DLG2: variants seen among roughly 807,000 people sequenced by gnomAD.
The protein encoded by DLG2 is disks large homolog 2.
In DLG2, 45 loss-of-function variants were observed where a neutral mutation model predicts 132.5. That is an observed-to-expected ratio of 0.34 (90% CI 0.27 to 0.44). DLG2 has a LOEUF of 0.44. DLG2 is among the 20% of genes least tolerant of loss of function. The pLI, the probability that DLG2 is intolerant of heterozygous loss-of-function variation, is 1.00. For synonymous variants in DLG2, 424 were observed against 419.6 expected (o/e 1.01, Z -0.13); for missense variants, 1,045 against 1,196.9 (o/e 0.87, Z 1.87).
chr11:85,610,220 A>C (rs2080892455), intron 2 of DLG2, among the ~76,000 whole-genome samples: 1 of 152,240 alleles, frequency 6.6e-6, no homozygotes, highest in Non-Finnish European at 1.5e-5. Flanking sequence ...AACATTTAAA[A>C]GCTCAAGGCT....
intron 25 of DLG2, among the ~76,000 whole-genome samples, chr11:83,467,704 C>A (rs57985093): frequency 6.9e-6 from 1 of 145,690 alleles, no homozygotes; most frequent in Non-Finnish European, 1.5e-5. Context: ...GAGCTGAGAC[C>A]GTGCCATGGC....
At chr11:83,560,197 A>G (rs2096588011) in intron 19 of DLG2, among the ~76,000 whole-genome samples, 1 of 151,758 alleles carries the variant, frequency 6.6e-6, no homozygotes, top group Admixed American at 6.6e-5. Flanking sequence ...GGCTCACTGC[A>G]ACCTCTGCCT....
At chr11:85,332,692 G>A (rs914081432) in intron 3 of DLG2, among the ~76,000 whole-genome samples, 1 of 152,112 alleles carries the variant, frequency 6.6e-6, no homozygotes, top group African/African-American at 2.4e-5. Context: ...AGTTATACCA[G>A]AACCATTTAT....
intron 15 of DLG2, among the ~76,000 whole-genome samples, chr11:83,897,925 C>T (rs1053415182): frequency 2.0e-5 from 3 of 152,070 alleles, no homozygotes; most frequent in East Asian, 1.9e-4. Flanking sequence ...CCCCATTTTG[C>T]GATGAAGAAA....
At chr11:84,853,959 T>C (rs905856295) in intron 6 of DLG2, among the ~76,000 whole-genome samples, 16 of 151,992 alleles carry the variant, frequency 1.1e-4, no homozygotes, top group African/African-American at 3.6e-4. Context: ...AAGAGAACAA[T>C]TGAAATGTGG....
chr11:84,654,005 T>C (rs1037797471), intron 6 of DLG2, among the ~76,000 whole-genome samples: 6 of 152,302 alleles, frequency 3.9e-5, no homozygotes, highest in Middle Eastern at 3.4e-3. Context: ...TGTTTGTAGA[T>C]GACCAAGTGT....
chr11:84,644,575 G>T (rs182405795), intron 6 of DLG2, among the ~76,000 whole-genome samples: 1 of 151,894 alleles, frequency 6.6e-6, no homozygotes, highest in East Asian at 1.9e-4. Context: ...GCGTGGTGGC[G>T]GGCACCTGTA....
chr11:84,752,598 AG>A (rs1234179535), intron 6 of DLG2, among the ~76,000 whole-genome samples: 1 of 133,676 alleles, frequency 7.5e-6, no homozygotes, highest in Admixed American at 7.9e-5. Context: ...TTTAAGTTTT[AG>A]GGTACATGTG....
intron 6 of DLG2, among the ~76,000 whole-genome samples, chr11:84,818,125 T>C (rs1438710770): frequency 6.6e-6 from 1 of 151,998 alleles, no homozygotes; most frequent in Non-Finnish European, 1.5e-5. Context: ...ATAATACTTC[T>C]CTATCAGAGG....
intron 6 of DLG2, among the ~76,000 whole-genome samples, chr11:84,722,454 G>A (rs1173221216): frequency 6.6e-6 from 1 of 152,180 alleles, no homozygotes. Flanking sequence ...GTCAAAGACA[G>A]TGCCTTATAA....
At chr11:84,733,270 G>A (rs976695107) in intron 6 of DLG2, among the ~76,000 whole-genome samples, 3 of 152,164 alleles carry the variant, frequency 2.0e-5, no homozygotes, top group African/African-American at 7.2e-5. Context: ...GTGTAAGAGT[G>A]TTCCTATTTC....
intron 3 of DLG2, among the ~76,000 whole-genome samples, chr11:85,370,800 T>C (rs549626561): frequency 3.0e-4 from 46 of 152,294 alleles, no homozygotes; most frequent in Middle Eastern, 3.4e-3. Flanking sequence ...TTATTTGACA[T>C]GTTTAGGTAG....
chr11:85,464,838 G>T (rs1344401979), intron 3 of DLG2, among the ~76,000 whole-genome samples: 2 of 151,704 alleles, frequency 1.3e-5, no homozygotes, highest in Non-Finnish European at 2.9e-5. Flanking sequence ...ACTTTGGGAG[G>T]CCGAGGCAGG....
intron 18 of DLG2, among the ~76,000 whole-genome samples, chr11:83,730,832 T>C (rs1458722957): frequency 1.3e-5 from 2 of 152,202 alleles, no homozygotes; most frequent in African/African-American, 4.8e-5. Context: ...GCCCTGGTTG[T>C]CGCCCATGTG....
chr11:84,926,588 G>GGGGTGT (rs2092986736), intron 6 of DLG2, among the ~76,000 whole-genome samples: 1 of 151,852 alleles, frequency 6.6e-6, no homozygotes, highest in African/African-American at 2.4e-5. Flanking sequence ...GGAGAGGTGT[G>GGGGTGT]GGGTGTGGGT....
At chr11:83,911,892 A>G (rs2076131426) in intron 15 of DLG2, among the ~76,000 whole-genome samples, 1 of 152,072 alleles carries the variant, frequency 6.6e-6, no homozygotes, top group Non-Finnish European at 1.5e-5. Flanking sequence ...CAATTACAAA[A>G]TGTGTTTCCT....
rs570109347 is a variant in DLG2 at position 84,899,445 on chromosome 11, C to T, written c.357+212216G>A. 7.2e-5 allele frequency among the ~76,000 whole-genome samples: 11 copies of T among 152,176 alleles called. No individual in the cohort carries two copies. The South Asian group carries it at 2.3e-3, about 32-fold the overall frequency. ...CTAAAAATGTTGGTAATCTCACTTGCATCTAGCAATTACTGGGGCCCAAGG... is the reference window on the plus strand; with the variant it reads ...CTAAAAATGTTGGTAATCTCACTTGTATCTAGCAATTACTGGGGCCCAAGG... On this transcript the variant is annotated intron_variant, in intron 6 of 27. Transcript: ENST00000376104.
At chr11:84,051,861 C>G (rs925025094) in intron 11 of DLG2, among the ~76,000 whole-genome samples, 6 of 151,700 alleles carry the variant, frequency 4.0e-5, no homozygotes, top group Admixed American at 2.6e-4. Context: ...TTGTAAGTGG[C>G]TTCCAAAAGG....
intron 4 of DLG2, among the ~76,000 whole-genome samples, chr11:85,183,318 C>A (rs1402167615): frequency 6.6e-6 from 1 of 151,808 alleles, no homozygotes; most frequent in Admixed American, 6.6e-5. Context: ...ATTAACAACA[C>A]CATCAGCACA....
Sources: allele counts gnomAD v4.1 joint callset (sites outside exome capture counted in the v4.1 genomes callset), GRCh38; gene constraint gnomAD v4.1.1; transcripts MANE v1.5; gene names NCBI Gene and HGNC (gene_info 2026-07-23, HGNC 2026-07-21).